PCDHGA3: variants seen among roughly 807,000 people sequenced by gnomAD.
The protein encoded by PCDHGA3 is protocadherin gamma-A3.
A neutral mutation model predicts 58.5 loss-of-function variants in PCDHGA3; 40 were observed. The ratio of observed to expected loss-of-function variants is 0.68; its 90% confidence interval spans 0.53 to 0.89. The LOEUF is 0.89. Among genes scored for constraint, PCDHGA3 ranks in the 40% least tolerant of loss-of-function variants. The probability of loss-of-function intolerance (pLI) is 0.00; values close to 1 mark genes in which losing one functional copy is unlikely to be tolerated. For missense variants in PCDHGA3, 1,223 were observed against 1,195.9 expected (o/e 1.02, Z -0.33); for synonymous variants, 530 against 525.7 (o/e 1.01, Z -0.11).
At chr5:141,426,492 T>A (rs1439487321) in intron 1 of PCDHGA3, 11 of 336,712 alleles carry the variant, frequency 3.3e-5, no homozygotes, top group South Asian at 2.6e-4. Flanking sequence ...TTAGAGTTAG[T>A]GCAGAGAAAC....
intron 1 of PCDHGA3, among the ~76,000 whole-genome samples, chr5:141,470,239 A>G (rs978204909): frequency 1.3e-5 from 2 of 152,232 alleles, no homozygotes; most frequent in African/African-American, 2.4e-5. Flanking sequence ...AAACCCTTGA[A>G]TGTCCCACCT....
chr5:141,414,289 C>T (rs1435700383), intron 1 of PCDHGA3: 1 of 1,613,394 alleles, frequency 6.2e-7, no homozygotes, highest in African/African-American at 1.3e-5. Flanking sequence ...AGTCGTAGCC[C>T]TTTTAAATGT....
intron 1 of PCDHGA3, among the ~76,000 whole-genome samples, chr5:141,450,397 C>T (rs529143168): frequency 6.6e-6 from 1 of 152,300 alleles, no homozygotes; most frequent in South Asian, 2.1e-4. Flanking sequence ...TTTGTAAAGA[C>T]TAGAAGCCAT....
intron 1 of PCDHGA3, chr5:141,478,813 A>G (rs2099478658): frequency 4.8e-6 from 7 of 1,453,346 alleles, no homozygotes; most frequent in Non-Finnish European, 6.3e-6. Context: ...TGCTATCACA[A>G]CTAACCAATC....
intron 1 of PCDHGA3, among the ~76,000 whole-genome samples, chr5:141,446,325 T>G (rs1440954528): frequency 3.9e-5 from 6 of 152,124 alleles, no homozygotes; most frequent in African/African-American, 1.4e-4. Flanking sequence ...GTTTCCACAT[T>G]AAGGAACTGG....
At chr5:141,359,122 C>A (rs1289421811) in intron 1 of PCDHGA3, among the ~76,000 whole-genome samples, 1 of 152,048 alleles carries the variant, frequency 6.6e-6, no homozygotes, top group African/African-American at 2.4e-5. Context: ...AGTTGTGGTG[C>A]AATACATAGA....
intron 1 of PCDHGA3, chr5:141,433,024 C>A: frequency 6.2e-7 from 1 of 1,614,168 alleles, no homozygotes; most frequent in African/African-American, 1.3e-5. Flanking sequence ...CCTATTCCCA[C>A]GAGGTTTCCC....
chr5:141,388,636 T>G, intron 1 of PCDHGA3: 1 of 1,613,918 alleles, frequency 6.2e-7, no homozygotes. Context: ...AGGGTGAGCC[T>G]TTCAGAAAAC....
chr5:141,355,007 C>T, intron 1 of PCDHGA3: 1 of 791,276 alleles, frequency 1.3e-6, no homozygotes, highest in Non-Finnish European at 1.8e-6. Flanking sequence ...AAAAGACAAA[C>T]CAGAAATTTA....
At chr5:141,382,123 T>C (rs1431842426) in intron 1 of PCDHGA3, among the ~76,000 whole-genome samples, 1 of 152,126 alleles carries the variant, frequency 6.6e-6, no homozygotes, top group Non-Finnish European at 1.5e-5. Context: ...CAACAGCACC[T>C]GGCCCCCCCT....
At chr5:141,383,101 T>G (rs1561594429) in intron 1 of PCDHGA3, 2 of 1,613,954 alleles carry the variant, frequency 1.2e-6, no homozygotes, top group Non-Finnish European at 1.7e-6. Flanking sequence ...CCGCATCATC[T>G]CCAGAGGTAG....
chr5:141,419,207 CCGGTTTTCGGACAGT>C, intron 1 of PCDHGA3: 5 of 1,613,998 alleles, frequency 3.1e-6, no homozygotes, highest in Non-Finnish European at 4.2e-6. Flanking sequence ...TGACAACGCG[CCGGTTTTCGGACAGT>C]CAGCCTACCT....
intron 1 of PCDHGA3, among the ~76,000 whole-genome samples, chr5:141,445,885 G>A (rs1171777990): frequency 1.3e-5 from 2 of 152,148 alleles, no homozygotes; most frequent in African/African-American, 4.8e-5. Flanking sequence ...CTTGTACTTA[G>A]GAGCTATTAA....
chr5:141,405,331 C>G (rs1561699778), intron 1 of PCDHGA3: 1 of 1,614,186 alleles, frequency 6.2e-7, no homozygotes, highest in Non-Finnish European at 8.5e-7. Flanking sequence ...CTTTGTGCGT[C>G]TCTGTTGATT....
intron 1 of PCDHGA3, chr5:141,400,054 C>G: frequency 6.2e-7 from 1 of 1,613,622 alleles, no homozygotes; most frequent in Non-Finnish European, 8.5e-7. Flanking sequence ...GGTTGCTGTG[C>G]GTGATGGTGG....
intron 1 of PCDHGA3, chr5:141,376,531 G>T (rs1240526589): frequency 3.7e-6 from 6 of 1,613,608 alleles, no homozygotes; most frequent in Non-Finnish European, 5.1e-6. Context: ...CGCCTAAGCG[G>T]GAAGAGTAAT....
At chr5:141,481,638 T>G (rs1465682432) in intron 1 of PCDHGA3, among the ~76,000 whole-genome samples, 1 of 152,014 alleles carries the variant, frequency 6.6e-6, no homozygotes, top group Admixed American at 6.6e-5. Context: ...GCCAACATGG[T>G]GAAACTTCAT....
At chr5:141,423,228 C>G (rs1321708353) in intron 1 of PCDHGA3, 5 of 1,613,866 alleles carry the variant, frequency 3.1e-6, no homozygotes, top group Non-Finnish European at 2.5e-6. Context: ...CTGTGGCCGA[C>G]AGCATCCCCG....
intron 1 of PCDHGA3, chr5:141,410,620 G>T (rs765125633): frequency 6.2e-7 from 1 of 1,603,524 alleles, no homozygotes. Flanking sequence ...CTCTGACTTC[G>T]GTGAGTTTCT....
Sources: gnomAD v4.1 joint callset for allele counts (sites outside exome capture counted in the v4.1 genomes callset) on GRCh38, gnomAD v4.1.1 for gene constraint, MANE v1.5 for transcripts, NCBI Gene and HGNC (gene_info 2026-07-23, HGNC 2026-07-21) for gene names.